CAB39: variants seen among roughly 807,000 people sequenced by gnomAD.
CAB39 encodes the protein calcium binding protein 39.
In CAB39, 8 loss-of-function variants were observed where a neutral mutation model predicts 40.0. The ratio of observed to expected loss-of-function variants is 0.20; its 90% CI spans 0.12 to 0.36. The LOEUF is 0.36. Ranked by LOEUF, CAB39 falls within the 10% of genes least tolerant of loss-of-function variation. The probability of loss-of-function intolerance (pLI) is 1.00; values close to 1 mark genes in which losing one functional copy is unlikely to be tolerated. For missense variants in CAB39, 270 were observed against 401.1 expected (o/e 0.67, Z 2.79); for synonymous variants, 156 against 141.6 (o/e 1.10, Z -0.72).
chr2:230,752,034 C>T (rs1297201338), intron 1 of CAB39: 1 of 87,738 alleles, frequency 1.1e-5, no homozygotes, highest in Non-Finnish European at 2.6e-5. Context: ...TGACCACCCC[C>T]CCCCCCCCCA....
At chr2:230,756,317 G>GT (rs1167692642) in intron 1 of CAB39, among the ~76,000 whole-genome samples, 3 of 152,212 alleles carry the variant, frequency 2.0e-5, no homozygotes, top group Non-Finnish European at 4.4e-5. Flanking sequence ...TGTACAGCAT[G>GT]TTACTGTGTT....
intron 1 of CAB39, chr2:230,752,397 T>G (rs1367952351): frequency 1.3e-5 from 2 of 152,224 alleles, no homozygotes; most frequent in African/African-American, 4.8e-5. Flanking sequence ...TTTCTCACAG[T>G]TCTGAAGACT....
In CAB39 at chr2:230,732,311, T is replaced by C. The variant is rs372287740; in HGVS notation, c.-44+19081T>C. 3.3e-5 allele frequency among the ~76,000 whole-genome samples: 5 copies of C among 152,072 alleles called. No individual in the cohort carries two copies. In the East Asian group the frequency reaches 7.8e-4, roughly 24 times the overall value. On this transcript the variant is annotated intron_variant, in intron 1 of 8. Transcript: ENST00000258418. ...GTTAGCCAGGATGGTCTCAATCTCCTGACCTCGTGATCCACCCACCTCGGC... is the reference window on the plus strand; with the variant it reads ...GTTAGCCAGGATGGTCTCAATCTCCCGACCTCGTGATCCACCCACCTCGGC...
Position 230,775,087 on chromosome 2 carries a change from T to C in CAB39, c.114+14972T>C, listed in dbSNP as rs187940991. On this transcript the variant is annotated intron_variant, in intron 2 of 8. Coordinates refer to ENST00000258418, the MANE Select transcript of CAB39 (RefSeq NM_016289.4). ...GAATTGATATTTCAGGCAGTAAATA[T>C]AAATGGGTAAATATTTAGAGGACTC... Among the ~76,000 whole-genome samples the C allele has an allele frequency of 7.2e-5, 11 of 152,310 alleles. No homozygotes were observed. The East Asian group carries it at 2.1e-3, about 29-fold the overall frequency.
At chr2:230,725,366 T>C in intron 1 of CAB39, 1 of 1,598,116 alleles carries the variant, frequency 6.3e-7, no homozygotes, top group Non-Finnish European at 8.6e-7. Flanking sequence ...CCCCATGGGC[T>C]CTGCCACGAA....
chr2:230,722,688 G>A (rs1358921727), intron 1 of CAB39, among the ~76,000 whole-genome samples: 2 of 152,236 alleles, frequency 1.3e-5, no homozygotes, highest in Non-Finnish European at 1.5e-5. Flanking sequence ...ATAGTGTGCT[G>A]TAAGTGTCCA....
intron 5 of CAB39, 67 bp downstream of exon 5, chr2:230,798,964 A>T (rs1696037865): frequency 8.1e-7 from 1 of 1,233,124 alleles, no homozygotes; most frequent in East Asian, 2.5e-5. Flanking sequence ...CTAAACCTTC[A>T]TTGCCCTCCT....
chr2:230,772,218 CAGTT>C (rs1289189574), intron 2 of CAB39, among the ~76,000 whole-genome samples: 3 of 152,098 alleles, frequency 2.0e-5, no homozygotes, highest in South Asian at 2.1e-4. Context: ...CAGAATTTAA[CAGTT>C]AGAAACAATC....
intron 1 of CAB39, chr2:230,725,462 C>T: frequency 7.1e-7 from 1 of 1,413,316 alleles, no homozygotes; most frequent in Non-Finnish European, 9.9e-7. Context: ...GCCACCCGGC[C>T]ACTCCTGCGG....
intron 2 of CAB39, among the ~76,000 whole-genome samples, chr2:230,781,355 C>T (rs376756387): frequency 6.6e-6 from 1 of 152,024 alleles, no homozygotes. Context: ...GAAATCAGCC[C>T]GGTTTAAAGG....
Position 230,817,793 on chromosome 2 carries a change from A to G in CAB39, c.733A>G (p.Ile245Val), listed in dbSNP as rs367663383. The stretch of plus-strand genomic sequence containing the variant: ...ACTACTAGATAGACACAACTTCACA[A>G]TTATGACAAAATACATCAGTAAACC... The part of the protein sequence containing the change: ...ELLLDRHNFT[I>V]MTKYISKPEN... Residue 245 changes from isoleucine to valine, a missense_variant, in exon 8 of 9, where the codon ATT becomes GTT. Physicochemically the swap from Ile to Val is conservative, Grantham distance 29. Transcript: ENST00000258418. The G allele has an allele frequency of 8.7e-6, 14 of 1,612,048 alleles. No homozygotes were observed. The highest frequency in any genetic ancestry group is 8.5e-6 in the Non-Finnish European group (10 of 1,178,904).
chr2:230,759,944 T>A lies in CAB39; in HGVS notation c.-43-15T>A. 1 of 861,562 alleles carries A rather than the reference T, an allele frequency of 1.2e-6. No individual in the cohort carries two copies. The highest frequency in any genetic ancestry group is 1.9e-6 in the Non-Finnish European group (1 of 515,804). 53.4% of individuals were successfully genotyped at this position (861,562 alleles called of 1,614,324 possible). A position where few individuals can be genotyped will look rare whatever the true frequency, so the allele number is the denominator to read the frequency against. ...TCCCAGTGTTTGCTCACATGAACCT[T>A]GTGCTGTGTTCTAGGTAGCACAGGC... On this transcript the variant is annotated splice_polypyrimidine_tract_variant and intron_variant, in intron 1 of 8. Transcript: ENST00000258418.
At chr2:230,736,533 G>C (rs1056913220) in intron 1 of CAB39, among the ~76,000 whole-genome samples, 1 of 152,152 alleles carries the variant, frequency 6.6e-6, no homozygotes, top group African/African-American at 2.4e-5. Context: ...TGAGTTTTGA[G>C]TAGCCAGAAC....
At chr2:230,818,231 A>G (rs566871588) in intron 8 of CAB39, 1 of 448,310 alleles carries the variant, frequency 2.2e-6, no homozygotes, top group African/African-American at 2.0e-5. Flanking sequence ...GCTGAGAAAT[A>G]ATTTCTGCCC....
At chr2:230,750,595 G>A (rs1695068638) in intron 1 of CAB39, among the ~76,000 whole-genome samples, 1 of 151,552 alleles carries the variant, frequency 6.6e-6, no homozygotes, top group Admixed American at 6.6e-5. Flanking sequence ...TTCTCCATAT[G>A]TAGTTCTCAA....
At chr2:230,748,422 C>T (rs1311808879) in intron 1 of CAB39, among the ~76,000 whole-genome samples, 1 of 152,084 alleles carries the variant, frequency 6.6e-6, no homozygotes, top group Non-Finnish European at 1.5e-5. Context: ...TGTAGTTAGC[C>T]TGCGTATCCT....
chr2:230,774,775 A>G (rs1334824139), intron 2 of CAB39, among the ~76,000 whole-genome samples: 1 of 152,200 alleles, frequency 6.6e-6, no homozygotes, highest in Non-Finnish European at 1.5e-5. Context: ...ACTTGTTTAC[A>G]GTAATCTTGG....
At chr2:230,728,998 C>G (rs544493469) in intron 1 of CAB39, among the ~76,000 whole-genome samples, 91 of 152,318 alleles carry the variant, frequency 6.0e-4, no homozygotes, top group African/African-American at 2.1e-3. Flanking sequence ...GAAGACAAAA[C>G]CTGGTATTTA....
chr2:230,812,991 G>A (rs1435527120), intron 6 of CAB39, among the ~76,000 whole-genome samples: 1 of 152,144 alleles, frequency 6.6e-6, no homozygotes, highest in African/African-American at 2.4e-5. Flanking sequence ...GGCTAATGAG[G>A]ACCCATCATA....
Sources: allele counts gnomAD v4.1 joint callset (sites outside exome capture counted in the v4.1 genomes callset), GRCh38; gene constraint gnomAD v4.1.1; transcripts MANE v1.5; gene names NCBI Gene and HGNC (gene_info 2026-07-23, HGNC 2026-07-21).